INSYN2B: variants seen among roughly 807,000 people sequenced by gnomAD.
INSYN2B encodes inhibitory synaptic factor family member 2B.
In INSYN2B, 16 loss-of-function variants were observed where a neutral mutation model predicts 41.2. The observed-to-expected ratio is 0.39, with a 90% CI of 0.26 to 0.59. The LOEUF (loss-of-function observed/expected upper bound fraction) is 0.59. INSYN2B is among the 20% of genes least tolerant of loss of function. INSYN2B has a pLI of 0.57. For missense variants in INSYN2B, 608 were observed against 646.4 expected (o/e 0.94, Z 0.64); for synonymous variants, 245 against 244.4 (o/e 1.00, Z -0.02).
At chr5:169,935,006 C>T (rs259903) in intron 1 of INSYN2B, 29,146 of 258,652 alleles carry the variant, frequency 0.11, 2,551 homozygotes, top group African/African-American at 0.29. Context: ...ATACTGACTG[C>T]AGCCATCTAA....
chr5:169,931,384 C>G (rs1330792314), intron 1 of INSYN2B, among the ~76,000 whole-genome samples: 1 of 152,218 alleles, frequency 6.6e-6, no homozygotes, highest in African/African-American at 2.4e-5. Flanking sequence ...GATATTGCCG[C>G]CTCTCGGCAA....
At chr5:169,951,439 C>T (rs1313752718) in intron 1 of INSYN2B, among the ~76,000 whole-genome samples, 1 of 152,192 alleles carries the variant, frequency 6.6e-6, no homozygotes, top group African/African-American at 2.4e-5. Context: ...ATATCTGCCC[C>T]TTCCCCACAT....
At chr5:169,910,123 C>A (rs1203754370) in intron 1 of INSYN2B, among the ~76,000 whole-genome samples, 10 of 152,152 alleles carry the variant, frequency 6.6e-5, no homozygotes, top group African/African-American at 2.4e-4. Context: ...GTTAGCTGAG[C>A]CATATGTTCC....
chr5:169,925,445 T>G (rs1775388467), intron 1 of INSYN2B, among the ~76,000 whole-genome samples: 1 of 151,908 alleles, frequency 6.6e-6, no homozygotes, highest in Admixed American at 6.6e-5. Context: ...CTGAGCGTGG[T>G]GTTGTGCACC....
At chr5:169,911,013 C>T (rs1177634646) in intron 1 of INSYN2B, among the ~76,000 whole-genome samples, 1 of 152,162 alleles carries the variant, frequency 6.6e-6, no homozygotes, top group African/African-American at 2.4e-5. Context: ...TCCAAGGCCC[C>T]AGGAAAAGCA....
intron 1 of INSYN2B, among the ~76,000 whole-genome samples, chr5:169,928,960 G>T (rs376168690): frequency 6.6e-6 from 1 of 152,192 alleles, no homozygotes; most frequent in South Asian, 2.1e-4. Flanking sequence ...AGCTTGCTTT[G>T]AGATAGACTA....
intron 1 of INSYN2B, among the ~76,000 whole-genome samples, chr5:169,944,085 C>T (rs1776353085): frequency 1.3e-5 from 2 of 152,170 alleles, no homozygotes; most frequent in South Asian, 4.1e-4. Flanking sequence ...AAGCACTTTA[C>T]CTGGATTATG....
chr5:169,901,357 G>A (rs561664719), intron 1 of INSYN2B, among the ~76,000 whole-genome samples: 6 of 152,304 alleles, frequency 3.9e-5, no homozygotes, highest in African/African-American at 1.4e-4. Flanking sequence ...TGGTCCTGAA[G>A]GCCACATTAA....
rs1457943109 is a variant in INSYN2B, at chr5:169,884,788, T to C, written c.-890A>G. 6.6e-6 allele frequency: 1 copy of C among 152,126 alleles called. No individual in the cohort carries two copies. The highest frequency in any genetic ancestry group is 1.5e-5 in the Non-Finnish European group (1 of 68,032). The allele number at this position is 152,126 out of a possible 1,614,324, so 9.4% of individuals were successfully genotyped here. ...GGCTGAGGTCTGAGATGAGCTGGGG[T>C]CTGATATCTGCAAGCAGGCGAGGAG... On this transcript the variant is annotated 5_prime_UTR_variant, in exon 2 of 4. Coordinates refer to ENST00000377365, the MANE Select transcript of INSYN2B (RefSeq NM_001129891.3).
chr5:169,957,429 A>G (rs1273435614), intron 1 of INSYN2B, among the ~76,000 whole-genome samples: 3 of 152,336 alleles, frequency 2.0e-5, no homozygotes, highest in Non-Finnish European at 2.9e-5. Flanking sequence ...GCTTAGTACT[A>G]CTTTTTCTGT....
At chr5:169,953,348 A>AG (rs1776743989) in intron 1 of INSYN2B, among the ~76,000 whole-genome samples, 1 of 130,690 alleles carries the variant, frequency 7.7e-6, no homozygotes, top group Non-Finnish European at 1.7e-5. Context: ...AAAAAAAAAA[A>AG]GAGAGAGAGA....
chr5:169,874,439 G>A (rs369491767), intron 3 of INSYN2B, among the ~76,000 whole-genome samples: 38 of 146,862 alleles, frequency 2.6e-4, no homozygotes, highest in African/African-American at 8.8e-4. Flanking sequence ...AAAAGCAATT[G>A]GTGGTCTGTG....
At chr5:169,975,763 C>T (rs1777694552) in intron 1 of INSYN2B, among the ~76,000 whole-genome samples, 1 of 152,238 alleles carries the variant, frequency 6.6e-6, no homozygotes, top group East Asian at 1.9e-4. Flanking sequence ...TATATATTTC[C>T]TTGTTTAAAG....
intron 1 of INSYN2B, among the ~76,000 whole-genome samples, chr5:169,899,529 G>A (rs1198496152): frequency 6.6e-6 from 1 of 152,118 alleles, no homozygotes; most frequent in Non-Finnish European, 1.5e-5. Flanking sequence ...AGGATAGAAG[G>A]GCCAAAAGAT....
At chr5:169,915,193 C>G (rs1029500414) in intron 1 of INSYN2B, among the ~76,000 whole-genome samples, 2 of 152,040 alleles carry the variant, frequency 1.3e-5, no homozygotes, top group African/African-American at 4.8e-5. Context: ...GGAAGCCAAA[C>G]AAATCAGAAA....
intron 1 of INSYN2B, among the ~76,000 whole-genome samples, chr5:169,933,196 A>G (rs1348826570): frequency 6.6e-6 from 1 of 152,234 alleles, no homozygotes; most frequent in African/African-American, 2.4e-5. Context: ...AGAGGAGATG[A>G]ATGATATGTC....
intron 1 of INSYN2B, among the ~76,000 whole-genome samples, chr5:169,962,131 A>G (rs1394060019): frequency 5.3e-5 from 8 of 152,014 alleles, no homozygotes; most frequent in Non-Finnish European, 1.2e-4. Flanking sequence ...GGCTAAGTAG[A>G]GATGTGAGTA....
At position 169,950,930 on chromosome 5, in the gene INSYN2B, A is replaced by G. The variant is rs76304993; in HGVS notation, c.-919+29347T>C. Reference sequence around the variant, plus strand: ...TGGTCTTCATGATGTTGGCTCACTCAAAATTATAAAATTAATTTGAATTTG... The same window carrying G: ...TGGTCTTCATGATGTTGGCTCACTCGAAATTATAAAATTAATTTGAATTTG... On this transcript the variant is annotated intron_variant, in intron 1 of 3. Transcript: ENST00000377365. Among the ~76,000 whole-genome samples the G allele has an allele frequency of 3.3e-4, 51 of 152,334 alleles. No individual in the cohort carries two copies. In the East Asian group the frequency reaches 9.4e-3, roughly 28 times the overall value.
At chr5:169,874,587 G>A (rs114743373) in intron 3 of INSYN2B, among the ~76,000 whole-genome samples, 4,274 of 152,212 alleles carry the variant, frequency 0.028, 72 homozygotes, top group Non-Finnish European at 0.039. Context: ...GTAATGGTCA[G>A]CATTTGGACA....
Sources: gnomAD v4.1 joint callset for allele counts (sites outside exome capture counted in the v4.1 genomes callset) on GRCh38, gnomAD v4.1.1 for gene constraint, MANE v1.5 for transcripts, NCBI Gene and HGNC (gene_info 2026-07-23, HGNC 2026-07-21) for gene names.